SLC9C1: variants seen among roughly 807,000 people sequenced by gnomAD.
SLC9C1 encodes the protein sodium/hydrogen exchanger 10.
Under a neutral mutation model 140.9 loss-of-function variants are expected in SLC9C1, and 97 were observed. That is an observed-to-expected ratio of 0.69 (90% CI 0.58 to 0.82). The LOEUF is 0.82. SLC9C1 is among the 40% of genes least tolerant of loss of function. SLC9C1 has a pLI of 0.00. For missense variants in SLC9C1, 1,340 were observed against 1,389.3 expected (o/e 0.96, Z 0.56); for synonymous variants, 440 against 442.6 (o/e 0.99, Z 0.07).
At chr3:112,269,564 A>G (rs2080014737) in intron 7 of SLC9C1, among the ~76,000 whole-genome samples, 1 of 152,210 alleles carries the variant, frequency 6.6e-6, no homozygotes, top group Non-Finnish European at 1.5e-5. Context: ...AAAACTCTAT[A>G]TATCTTATAA....
intron 10 of SLC9C1, among the ~76,000 whole-genome samples, chr3:112,252,633 A>T (rs2079493983): frequency 6.6e-6 from 1 of 152,116 alleles, no homozygotes; most frequent in South Asian, 2.1e-4. Context: ...TCTGGTCAGC[A>T]GCAATTTCAG....
rs56930611 is a variant in SLC9C1 at position 112,190,928 on chromosome 3, A to AACACACACACAC, written c.2523+8381_2523+8392dup. Among the ~76,000 whole-genome samples the AACACACACACAC allele has an allele frequency of 5.0e-3, 694 of 138,778 alleles. 6 individuals are homozygous for AACACACACACAC. The highest frequency in any genetic ancestry group is 0.013 in the African/African-American group (491 of 37,500). The allele number at this position is 138,778 out of a possible 152,430, so 91.0% of individuals were successfully genotyped here. A position where few individuals can be genotyped will look rare whatever the true frequency, so the allele number is the denominator to read the frequency against. On this transcript the variant is annotated intron_variant, in intron 20 of 28. Transcript: ENST00000305815. ...TATGCAGTAATTTTTACTTTTTTTA[A>AACACACACACAC]ACACACACACACACACACACACACA...
At chr3:112,178,692 C>T (rs1217730811) in intron 23 of SLC9C1, among the ~76,000 whole-genome samples, 3 of 152,130 alleles carry the variant, frequency 2.0e-5, no homozygotes, top group Non-Finnish European at 4.4e-5. Flanking sequence ...CATTTAGTGA[C>T]ACTAATATTG....
At chr3:112,150,404 G>A (rs540536433) in intron 28 of SLC9C1, among the ~76,000 whole-genome samples, 1 of 152,062 alleles carries the variant, frequency 6.6e-6, no homozygotes, top group Admixed American at 6.6e-5. Flanking sequence ...GTCACAAAGG[G>A]AAGCTCTCTA....
chr3:112,167,079 A>C, intron 26 of SLC9C1, 142 bp downstream of exon 26: 1 of 808,690 alleles, frequency 1.2e-6, no homozygotes, highest in Non-Finnish European at 1.9e-6. Flanking sequence ...GTCTGAACTC[A>C]TACATTGAAT....
chr3:112,265,746 C>G (rs906199406), intron 8 of SLC9C1, among the ~76,000 whole-genome samples: 1 of 152,076 alleles, frequency 6.6e-6, no homozygotes, highest in African/African-American at 2.4e-5. Context: ...GTCATACTTT[C>G]TTTTATAACA....
chr3:112,280,376 T>C lies in SLC9C1; in HGVS notation c.189+307A>G, dbSNP rs2080324396. 2.6e-5 allele frequency among the ~76,000 whole-genome samples: 4 copies of C among 152,138 alleles called. 1 individual carries two copies. In the South Asian group the frequency reaches 8.3e-4, roughly 32 times the overall value. On this transcript the variant is annotated intron_variant, in intron 3 of 28. Coordinates refer to ENST00000305815, the MANE Select transcript of SLC9C1 (RefSeq NM_183061.3). Reference sequence around the variant, plus strand: ...CCCTGAGCTCCTATGTCATTAGCCATTTTTTTCCCAAGCTTTTAAAATCTG... The same window carrying C: ...CCCTGAGCTCCTATGTCATTAGCCACTTTTTTCCCAAGCTTTTAAAATCTG...
rs9830851 is a variant in SLC9C1 at position 112,269,209 on chromosome 3, A to G, written c.775+707T>C. On this transcript the variant is annotated intron_variant, in intron 7 of 28. Coordinates refer to ENST00000305815, the MANE Select transcript of SLC9C1 (RefSeq NM_183061.3). ...ACTGCAGCCTCAAATTCCTGGGCTC[A>G]AGTGATCCTCCCGCCTCAGGCTCCT... 9.9e-3 allele frequency among the ~76,000 whole-genome samples: 1,511 copies of G among 152,264 alleles called. 26 individuals carry two copies. Among genetic ancestry groups the G allele is most frequent in the African/African-American group, 0.034 (1,409 of 41,550 alleles).
intron 4 of SLC9C1, 134 bp downstream of exon 4, chr3:112,278,595 G>A: frequency 1.1e-6 from 1 of 888,558 alleles, no homozygotes; most frequent in South Asian, 2.2e-5. Flanking sequence ...ACTAAATGAT[G>A]AAGCTGAATT....
intron 12 of SLC9C1, among the ~76,000 whole-genome samples, chr3:112,234,763 A>T (rs1003848563): frequency 1.3e-5 from 2 of 151,932 alleles, no homozygotes; most frequent in African/African-American, 4.8e-5. Flanking sequence ...GTTTTTGTCA[A>T]GTTTGTCAAA....
At chr3:112,280,019 T>A (rs973127797) in intron 3 of SLC9C1, among the ~76,000 whole-genome samples, 1 of 152,246 alleles carries the variant, frequency 6.6e-6, no homozygotes, top group Non-Finnish European at 1.5e-5. Flanking sequence ...TGCATCTGTG[T>A]CAAAATCATA....
At chr3:112,234,370 G>C (rs2078922724) in intron 12 of SLC9C1, among the ~76,000 whole-genome samples, 1 of 152,126 alleles carries the variant, frequency 6.6e-6, no homozygotes, top group Non-Finnish European at 1.5e-5. Flanking sequence ...GTAGATTCTG[G>C]ATATTAGCCC....
intron 10 of SLC9C1, among the ~76,000 whole-genome samples, chr3:112,248,814 C>G (rs909670556): frequency 5.3e-5 from 8 of 152,010 alleles, no homozygotes; most frequent in African/African-American, 1.9e-4. Flanking sequence ...TAAATAAATC[C>G]CCTCTATCCG....
At chr3:112,275,132 T>C in intron 5 of SLC9C1, 107 bp from the exon 6 acceptor site, 1 of 1,154,824 alleles carries the variant, frequency 8.7e-7, no homozygotes, top group Non-Finnish European at 1.2e-6. Context: ...GTCTTAGCTA[T>C]GGATTTACTG....
chr3:112,161,419 C>T (rs2075295293), intron 26 of SLC9C1, among the ~76,000 whole-genome samples: 2 of 152,300 alleles, frequency 1.3e-5, no homozygotes, highest in South Asian at 2.1e-4. Context: ...ACGTTTAAGT[C>T]TTTAATCCAT....
At position 112,168,954 on chromosome 3, in the gene SLC9C1, T is replaced by G. The variant is rs570258286; in HGVS notation, c.3160A>C (p.Ile1054Leu). 8.1e-6 allele frequency: 13 copies of G among 1,612,122 alleles called. No homozygotes were observed. The South Asian group carries it at 1.4e-4, about 18-fold the overall frequency. Reference protein sequence around the residue: ...YDENLIYVILIHGAVEDCLLR... With the variant: ...YDENLIYVILLHGAVEDCLLR... ...AGACAATCTTCTACAGCTCCATGTA[T>G]GAGGATAACATAGATTAGATTTTCA... Residue 1054 changes from isoleucine to leucine, a missense_variant, in exon 25 of 29, where the codon ATA becomes CTA. Physicochemically the swap from Ile to Leu is conservative, Grantham distance 5 (BLOSUM62 2). Transcript: ENST00000305815.
In SLC9C1 at chr3:112,151,593, G is replaced by C; in HGVS notation, c.3524+264C>G. 4 of 520,240 alleles carry C rather than the reference G, an allele frequency of 7.7e-6. 1 individual carries two copies. Among genetic ancestry groups the C allele is most frequent in the South Asian group, 6.2e-5 (4 of 64,970 alleles). The allele number at this position is 520,240 out of a possible 1,614,324, so 32.2% of individuals were successfully genotyped here. A position where few individuals can be genotyped will look rare whatever the true frequency, so the allele number is the denominator to read the frequency against. On this transcript the variant is annotated intron_variant, in intron 28 of 28. Transcript: ENST00000305815. ...TAACCTGCTAAATTGAGAGCAGCCA[G>C]TGTTGCATGTGAGATTAAGTGGCAG... is the stretch of plus-strand genomic sequence containing the variant.
rs2079821695 is a variant in SLC9C1 at position 112,263,073 on chromosome 3, G to A, written c.1048C>T (p.Pro350Ser). 6.3e-7 allele frequency: 1 copy of A among 1,576,092 alleles called. No homozygotes were observed. The highest frequency in any genetic ancestry group is 8.6e-7 in the Non-Finnish European group (1 of 1,167,192). ...TCATGACCAACTCGAGACAAAACAGGGCTTATTAAAAGAAGGGTCAGAAAT... is the reference window on the plus strand; with the variant it reads ...TCATGACCAACTCGAGACAAAACAGAGCTTATTAAAAGAAGGGTCAGAAAT... ...LRFLTLLLIS[P>S]VLSRVGHEFS... Residue 350 changes from proline (P) to serine (S), a missense_variant, in exon 10 of 29, where the codon CCT becomes TCT. Pro to Ser is a moderately conservative substitution (Grantham distance 74). Transcript: ENST00000305815.
chr3:112,216,603 A>G (rs1427179062), intron 15 of SLC9C1, among the ~76,000 whole-genome samples: 2 of 152,098 alleles, frequency 1.3e-5, no homozygotes, highest in Non-Finnish European at 2.9e-5. Context: ...GACACATGAA[A>G]AAATGCTCAT....
Sources: gnomAD v4.1 joint callset for allele counts (sites outside exome capture counted in the v4.1 genomes callset) on GRCh38, gnomAD v4.1.1 for gene constraint, MANE v1.5 for transcripts, NCBI Gene and HGNC (gene_info 2026-07-23, HGNC 2026-07-21) for gene names.